MAP3K13: variants seen among roughly 807,000 people sequenced by gnomAD.
The protein encoded by MAP3K13 is mitogen-activated protein kinase kinase kinase 13.
Under a neutral mutation model 104.0 loss-of-function variants are expected in MAP3K13, and 52 were observed. The ratio of observed to expected loss-of-function variants is 0.50; its 90% CI spans 0.40 to 0.63. MAP3K13 has a LOEUF of 0.63. MAP3K13 is among the 20% of genes least tolerant of loss of function. MAP3K13 has a pLI of 0.00. For missense variants in MAP3K13, 914 were observed against 1,218.5 expected (o/e 0.75, Z 3.72); for synonymous variants, 394 against 442.2 (o/e 0.89, Z 1.37).
At chr3:185,443,690 G>A in intron 4 of MAP3K13, 54 bp downstream of exon 4, 1 of 1,500,924 alleles carries the variant, frequency 6.7e-7, no homozygotes, top group Non-Finnish European at 9.2e-7. Flanking sequence ...TTGAAATACA[G>A]AATTTTTATC....
intron 12 of MAP3K13, among the ~76,000 whole-genome samples, chr3:185,478,477 A>G (rs1718255735): frequency 6.6e-6 from 1 of 152,036 alleles, no homozygotes; most frequent in Non-Finnish European, 1.5e-5. Flanking sequence ...ATTCCCTGCT[A>G]TTCCTGGACT....
intron 2 of MAP3K13, among the ~76,000 whole-genome samples, chr3:185,429,593 G>A (rs1714630445): frequency 1.3e-5 from 2 of 152,060 alleles, no homozygotes; most frequent in Non-Finnish European, 2.9e-5. Context: ...ACTTCAGCCT[G>A]GGTGACAGAG....
intron 7 of MAP3K13, among the ~76,000 whole-genome samples, chr3:185,453,682 T>C (rs981258296): frequency 1.3e-5 from 2 of 150,278 alleles, no homozygotes; most frequent in Non-Finnish European, 3.0e-5. Flanking sequence ...GGCAGGAGAA[T>C]CACTTGAACC....
intron 1 of MAP3K13, among the ~76,000 whole-genome samples, chr3:185,284,918 G>A (rs1041186375): frequency 5.9e-5 from 9 of 152,166 alleles, no homozygotes; most frequent in African/African-American, 1.4e-4. Context: ...TTACTACCTA[G>A]TCCAGTGAGG....
At position 185,450,001 on chromosome 3, in the gene MAP3K13, A is replaced by T; in HGVS notation, c.1112A>T (p.His371Leu). 6.2e-7 allele frequency: 1 copy of T among 1,613,800 alleles called. No homozygotes were observed. The highest frequency in any genetic ancestry group is 8.5e-7 in the Non-Finnish European group (1 of 1,179,886). Residue 371 changes from histidine to leucine, a missense_variant, in exon 6 of 14, where the codon CAC becomes CTC. By Grantham distance (99) the His-to-Leu change is moderately conservative (BLOSUM62 -3). Around this residue, in one of 3 missense-constraint regions of MAP3K13, gnomAD observed 175 missense variants for 321.3 expected, o/e 0.54. Transcript: ENST00000265026. The surrounding 1 kb of genome is among the most constrained non-coding windows in gnomAD (Gnocchi z 4.2). ...TGGGGTGTTGGAAGCAACAGCCTCC[A>T]CCTTCCAGTTCCTTCCACTTGCCCT... ...IIWGVGSNSL[H>L]LPVPSTCPDG...
intron 1 of MAP3K13, among the ~76,000 whole-genome samples, chr3:185,403,153 A>C (rs1712911397): frequency 6.6e-6 from 1 of 152,250 alleles, no homozygotes; most frequent in Non-Finnish European, 1.5e-5. Flanking sequence ...ATCTAGCTAA[A>C]GTAGATAGGC....
chr3:185,293,314 C>T lies in MAP3K13; in HGVS notation c.-86+7671C>T, dbSNP rs145711548. Among the ~76,000 whole-genome samples, 1,141 of 152,000 alleles carry T rather than the reference C, an allele frequency of 7.5e-3. 10 individuals carry two copies. The highest frequency in any genetic ancestry group is 0.023 in the African/African-American group (972 of 41,444). On this transcript the variant is annotated intron_variant, in intron 2 of 14. Coordinates refer to the MAP3K13 transcript ENST00000424227. ...TATATTTTTAGTAGAGATGGGGTTT[C>T]GCCATGTTGGCCAGGCTGGTCTCAA... is the stretch of plus-strand genomic sequence containing the variant.
intron 2 of MAP3K13, among the ~76,000 whole-genome samples, chr3:185,356,118 T>C (rs1723340800): frequency 6.6e-6 from 1 of 152,202 alleles, no homozygotes; most frequent in African/African-American, 2.4e-5. Context: ...TACTGGGTCT[T>C]TAAAATGTCG....
rs776241463 is a variant in MAP3K13, at chr3:185,465,871, T to A, written c.1505+8T>A. The A allele has an allele frequency of 6.3e-7, 1 of 1,577,392 alleles. No homozygotes were observed. Among genetic ancestry groups the A allele is most frequent in the Admixed American group, 1.7e-5 (1 of 59,964 alleles). ...GGAGAAGGAGCTCATTAAGTATGTA[T>A]CCAGACTAGTGTCTGTTCTTACTGA... On this transcript the variant is annotated splice_region_variant and intron_variant, in intron 9 of 13. Transcript: ENST00000265026.
intron 7 of MAP3K13, 59 bp from the exon 8 acceptor site, chr3:185,463,491 G>A: frequency 1.0e-6 from 1 of 958,856 alleles, no homozygotes; most frequent in Admixed American, 1.8e-5. Context: ...GTGACTTTAT[G>A]GATATATCAG....
intron 4 of MAP3K13, among the ~76,000 whole-genome samples, chr3:185,443,961 G>C (rs1396686579): frequency 6.6e-6 from 1 of 152,206 alleles, no homozygotes; most frequent in Non-Finnish European, 1.5e-5. Context: ...TAGAAGGCTT[G>C]ATTTGTTGTT....
At chr3:185,414,503 A>G (rs770577347) in intron 1 of MAP3K13, among the ~76,000 whole-genome samples, 5 of 152,332 alleles carry the variant, frequency 3.3e-5, no homozygotes, top group Non-Finnish European at 7.3e-5. Flanking sequence ...CTCCCTCCGA[A>G]CTTGAACCAT....
rs910652972 is a variant in MAP3K13 at position 185,437,493 on chromosome 3, G to A, written c.522G>A (p.Leu174=). The change falls in exon 3 of 14, where the codon CTG becomes CTA. Residue 174 remains leucine (L), a synonymous_variant. Coordinates refer to ENST00000265026, the MANE Select transcript of MAP3K13 (RefSeq NM_004721.5). ...AGGAGATCTCAGAGCTGCAGTGGCTGGGTAGTGGAGCCCAAGGAGCGGTCT... is the reference window on the plus strand; with the variant it reads ...AGGAGATCTCAGAGCTGCAGTGGCTAGGTAGTGGAGCCCAAGGAGCGGTCT... ...PFEEISELQW[L]GSGAQGAVFL... 4 of 1,613,866 alleles carry A rather than the reference G, an allele frequency of 2.5e-6. No homozygotes were observed. The highest frequency in any genetic ancestry group is 2.5e-6 in the Non-Finnish European group (3 of 1,179,982).
Position 185,383,493 on chromosome 3 carries a change from C to T in MAP3K13, c.-86+20125C>T, listed in dbSNP as rs912072441. On this transcript the variant is annotated intron_variant, in intron 1 of 13. Transcript: ENST00000265026. Reference sequence around the variant, plus strand: ...AGGAGAATGGCGTGAACCCGGGAGGCGGAGCTTGCTGTGAGTCAAGATCGT... The same window carrying T: ...AGGAGAATGGCGTGAACCCGGGAGGTGGAGCTTGCTGTGAGTCAAGATCGT... Among the ~76,000 whole-genome samples, 15 of 148,196 alleles carry T rather than the reference C, an allele frequency of 1.0e-4. 1 individual carries two copies. The South Asian group carries it at 1.5e-3, about 15-fold the overall frequency.
At chr3:185,368,399 A>C (rs541237980) in intron 1 of MAP3K13, among the ~76,000 whole-genome samples, 1 of 152,316 alleles carries the variant, frequency 6.6e-6, no homozygotes, top group African/African-American at 2.4e-5. Flanking sequence ...CCAGTCCAGC[A>C]TGAATTTAAA....
chr3:185,426,766 C>T (rs1300894753), intron 1 of MAP3K13, among the ~76,000 whole-genome samples: 1 of 152,122 alleles, frequency 6.6e-6, no homozygotes, highest in Non-Finnish European at 1.5e-5. Flanking sequence ...CCTTCACTCA[C>T]ACCTTCCTGA....
At chr3:185,405,118 C>T (rs1026232485) in intron 1 of MAP3K13, among the ~76,000 whole-genome samples, 5 of 152,116 alleles carry the variant, frequency 3.3e-5, no homozygotes, top group African/African-American at 1.2e-4. Context: ...TTATTTCTAC[C>T]TGACTACTGT....
At chr3:185,443,287 G>T (rs1293070256) in intron 3 of MAP3K13, among the ~76,000 whole-genome samples, 158 bp from the exon 4 acceptor site, 1 of 152,192 alleles carries the variant, frequency 6.6e-6, no homozygotes, top group South Asian at 2.1e-4. Context: ...CTGTAGACTA[G>T]AGAAGTTTCC....
chr3:185,372,312 C>T lies in MAP3K13; in HGVS notation c.-86+8944C>T, dbSNP rs533860408. On this transcript the variant is annotated intron_variant, in intron 1 of 13. Coordinates refer to ENST00000265026, the MANE Select transcript of MAP3K13 (RefSeq NM_004721.5). Reference sequence around the variant, plus strand: ...CGACTTTGCCAGGTTCTCCCTTCCCCTTCCTCCTCCTTTTTCTGGCCATTT... The same window carrying T: ...CGACTTTGCCAGGTTCTCCCTTCCCTTTCCTCCTCCTTTTTCTGGCCATTT... Among the ~76,000 whole-genome samples the T allele has an allele frequency of 6.6e-5, 10 of 152,318 alleles. No individual in the cohort carries two copies. The South Asian group carries it at 1.9e-3, about 28-fold the overall frequency.
Sources: gnomAD v4.1 joint callset for allele counts (sites outside exome capture counted in the v4.1 genomes callset) on GRCh38, gnomAD v4.1.1 for gene constraint, gnomAD v4.1.1 regional missense constraint, Gnocchi (gnomAD v3.1) non-coding constraint, MANE v1.5 for transcripts, NCBI Gene and HGNC (gene_info 2026-07-23, HGNC 2026-07-21) for gene names.